The following FHIT variants were observed in gnomAD, a reference collection of about 807,000 sequenced individuals.
The protein encoded by FHIT is fragile histidine triad diadenosine triphosphatase.
FHIT carries 19 observed loss-of-function variants against 17.9 expected under a neutral mutation model. The ratio of observed to expected loss-of-function variants is 1.06; its 90% confidence interval spans 0.74 to 1.56. The LOEUF (loss-of-function observed/expected upper bound fraction) is 1.56. Among genes scored for constraint, FHIT ranks in the 40% most tolerant of loss-of-function variants. The pLI is 0.00. For missense variants in FHIT, 248 were observed against 189.2 expected (o/e 1.31, Z -1.82); for synonymous variants, 81 against 69.7 (o/e 1.16, Z -0.81).
chr3:60,595,897 T>C (rs573598980), intron 4 of FHIT, among the ~76,000 whole-genome samples: 5 of 152,076 alleles, frequency 3.3e-5, no homozygotes, highest in East Asian at 3.9e-4. Context: ...AGCACGGGAA[T>C]TATAGGTGTG....
At chr3:60,633,740 T>C (rs1218589105) in intron 4 of FHIT, among the ~76,000 whole-genome samples, 1 of 152,166 alleles carries the variant, frequency 6.6e-6, no homozygotes, top group African/African-American at 2.4e-5. Flanking sequence ...AGGAACACAG[T>C]TAGGCAGCTT....
At chr3:59,950,005 C>A (rs1250473518) in intron 7 of FHIT, among the ~76,000 whole-genome samples, 2 of 152,158 alleles carry the variant, frequency 1.3e-5, no homozygotes, top group South Asian at 2.1e-4. Flanking sequence ...TCAGGAGGAA[C>A]TGCAGAAGGA....
At chr3:60,751,499 A>G (rs2042465920) in intron 4 of FHIT, among the ~76,000 whole-genome samples, 1 of 152,262 alleles carries the variant, frequency 6.6e-6, no homozygotes, top group Non-Finnish European at 1.5e-5. Context: ...GATAATTTCC[A>G]AAAGAAGAAA....
chr3:59,778,950 T>C (rs1284017550), intron 8 of FHIT, among the ~76,000 whole-genome samples: 1 of 152,202 alleles, frequency 6.6e-6, no homozygotes, highest in Non-Finnish European at 1.5e-5. Context: ...TGGATTTGAA[T>C]ATACTTAACC....
At chr3:60,367,918 T>C (rs1183906013) in intron 5 of FHIT, among the ~76,000 whole-genome samples, 1 of 152,222 alleles carries the variant, frequency 6.6e-6, no homozygotes, top group African/African-American at 2.4e-5. Context: ...TACACTTTGG[T>C]GTTGAACTTC....
At chr3:60,159,258 C>T (rs1358535025) in intron 5 of FHIT, among the ~76,000 whole-genome samples, 1 of 152,040 alleles carries the variant, frequency 6.6e-6, no homozygotes, top group Non-Finnish European at 1.5e-5. Context: ...CTAGCTGAGA[C>T]TACAGGTGCC....
At chr3:61,235,084 CTA>C (rs1438918192) in intron 1 of FHIT, among the ~76,000 whole-genome samples, 3 of 152,286 alleles carry the variant, frequency 2.0e-5, no homozygotes. Context: ...TGTTAATTTG[CTA>C]TGTCATTGAT....
intron 5 of FHIT, among the ~76,000 whole-genome samples, chr3:60,290,689 C>A (rs552591003): frequency 1.1e-3 from 163 of 152,290 alleles, no homozygotes; most frequent in African/African-American, 3.8e-3. Flanking sequence ...GCTTCATTCA[C>A]TGCATTACAC....
chr3:59,759,299 G>C (rs1164908390), intron 8 of FHIT, among the ~76,000 whole-genome samples: 5 of 127,360 alleles, frequency 3.9e-5, no homozygotes, highest in Non-Finnish European at 8.3e-5. Flanking sequence ...GGAAGTAAAA[G>C]GACTAGAATA....
At chr3:61,054,104 C>A (rs2034128610) in intron 2 of FHIT, among the ~76,000 whole-genome samples, 1 of 152,152 alleles carries the variant, frequency 6.6e-6, no homozygotes, top group African/African-American at 2.4e-5. Context: ...GGTGTGGTAT[C>A]CCCAAACTTC....
chr3:60,454,110 A>C (rs935888335), intron 5 of FHIT, among the ~76,000 whole-genome samples: 2 of 152,162 alleles, frequency 1.3e-5, no homozygotes, highest in African/African-American at 2.4e-5. Flanking sequence ...ATCATCCATA[A>C]ATTCATTTGC....
At position 60,709,007 on chromosome 3, in the gene FHIT, G is replaced by A. The variant is rs782705271; in HGVS notation, c.-18+112912C>T. On this transcript the variant is annotated intron_variant, in intron 4 of 9. Transcript: ENST00000492590. ...TGCAAGGCAGAGCATTCTATGGAAC[G>A]TACTTTAGAGAATGTTTCTCTAGGT... is the stretch of plus-strand genomic sequence containing the variant. 2.4e-4 allele frequency among the ~76,000 whole-genome samples: 36 copies of A among 152,198 alleles called. No homozygotes were observed. The Middle Eastern group carries it at 0.01, about 43-fold the overall frequency.
intron 8 of FHIT, among the ~76,000 whole-genome samples, chr3:59,759,700 C>G (rs535172735): frequency 2.4e-4 from 36 of 152,228 alleles, no homozygotes; most frequent in Admixed American, 1.2e-3. Flanking sequence ...TCTGGCACCT[C>G]CCTGGCACTG....
At chr3:60,590,616 C>G (rs1300311259) in intron 4 of FHIT, among the ~76,000 whole-genome samples, 1 of 152,096 alleles carries the variant, frequency 6.6e-6, no homozygotes, top group African/African-American at 2.4e-5. Flanking sequence ...CACTGGAAAG[C>G]CAATCAACAA....
intron 4 of FHIT, among the ~76,000 whole-genome samples, chr3:60,701,943 A>T (rs1213857557): frequency 1.3e-5 from 2 of 152,196 alleles, no homozygotes; most frequent in Admixed American, 6.5e-5. Flanking sequence ...AGCAAGATGG[A>T]ATCAGTAAGG....
chr3:59,939,693 A>T (rs1240577439), intron 7 of FHIT, among the ~76,000 whole-genome samples: 1 of 152,206 alleles, frequency 6.6e-6, no homozygotes, highest in Admixed American at 6.5e-5. Flanking sequence ...GGCTTAACTC[A>T]TTAAGGTGAT....
chr3:60,858,519 AC>A (rs1703478431), intron 3 of FHIT, among the ~76,000 whole-genome samples: 2 of 152,080 alleles, frequency 1.3e-5, no homozygotes, highest in Non-Finnish European at 2.9e-5. Context: ...CACATATTAC[AC>A]CCCTTCATAT....
At chr3:61,194,569 G>A (rs569919827) in intron 2 of FHIT, among the ~76,000 whole-genome samples, 2 of 152,014 alleles carry the variant, frequency 1.3e-5, no homozygotes, top group South Asian at 2.1e-4. Flanking sequence ...AATACCAAAC[G>A]GCTTTTATCC....
chr3:60,786,620 A>G (rs1248952963), intron 4 of FHIT, among the ~76,000 whole-genome samples: 1 of 152,234 alleles, frequency 6.6e-6, no homozygotes, highest in East Asian at 1.9e-4. Context: ...TTGGCATGGA[A>G]TAAGTGTCTA....
Sources: allele counts gnomAD v4.1 joint callset (sites outside exome capture counted in the v4.1 genomes callset), GRCh38; gene constraint gnomAD v4.1.1; transcripts MANE v1.5; gene names NCBI Gene and HGNC (gene_info 2026-07-23, HGNC 2026-07-21).